PIK3R6: variants seen among roughly 807,000 people sequenced by gnomAD.
The protein encoded by PIK3R6 is phosphoinositide-3-kinase regulatory subunit 6.
A neutral mutation model predicts 84.9 loss-of-function variants in PIK3R6; 91 were observed. The ratio of observed to expected loss-of-function variants is 1.07; its 90% CI spans 0.90 to 1.28. The LOEUF (loss-of-function observed/expected upper bound fraction) is 1.28. Ranked by LOEUF, PIK3R6 falls within the 50% of genes most tolerant of loss-of-function variation. The pLI, the probability that PIK3R6 is intolerant of heterozygous loss-of-function variation, is 0.00. For synonymous variants in PIK3R6, 416 were observed against 411.4 expected, an observed-to-expected ratio of 1.01 and a Z score of -0.13; for missense variants, 996 against 985.1, an observed-to-expected ratio of 1.01 and a Z score of -0.15.
chr17:8,829,510 TCATGCATACA>T (rs2088127090), intron 10 of PIK3R6, among the ~76,000 whole-genome samples, 186 bp downstream of exon 10: 1 of 61,682 alleles, frequency 1.6e-5, no homozygotes, highest in Non-Finnish European at 3.1e-5. Context: ...TGACACACAC[TCATGCATACA>T]CACACACTGA....
chr17:8,865,052 G>A (rs1662067449), intron 1 of PIK3R6, among the ~76,000 whole-genome samples: 1 of 152,130 alleles, frequency 6.6e-6, no homozygotes, highest in Non-Finnish European at 1.5e-5. Context: ...ACGGCAAAAA[G>A]AAGCAAATGG....
Position 8,827,299 on chromosome 17 carries a change from G to C in PIK3R6, c.1393-5C>G, listed in dbSNP as rs2087953652. ...CTGCCTGGATGCTGCAGGCTTCTGGGGGAAAGGGGATGGGGCAGACCCGTC... is the reference window on the plus strand; with the variant it reads ...CTGCCTGGATGCTGCAGGCTTCTGGCGGAAAGGGGATGGGGCAGACCCGTC... On this transcript the variant is annotated splice_polypyrimidine_tract_variant and splice_region_variant and intron_variant, in intron 12 of 19. Transcript: ENST00000619866. The C allele has an allele frequency of 6.4e-7, 1 of 1,551,318 alleles. No individual in the cohort carries two copies. Among genetic ancestry groups the C allele is most frequent in the African/African-American group, 1.4e-5 (1 of 73,106 alleles).
chr17:8,860,984 C>G (rs993595127), intron 1 of PIK3R6, among the ~76,000 whole-genome samples: 1 of 152,092 alleles, frequency 6.6e-6, no homozygotes, highest in Non-Finnish European at 1.5e-5. Context: ...ATCACAAGGT[C>G]AGGAGTTCAA....
At chr17:8,821,628 G>C (rs2087735616) in intron 17 of PIK3R6, among the ~76,000 whole-genome samples, 1 of 152,110 alleles carries the variant, frequency 6.6e-6, no homozygotes, top group African/African-American at 2.4e-5. Flanking sequence ...CCACCTTCCA[G>C]CTATGTCTCA....
intron 2 of PIK3R6, among the ~76,000 whole-genome samples, chr17:8,843,525 A>G (rs2088741303): frequency 6.6e-6 from 1 of 152,144 alleles, no homozygotes; most frequent in African/African-American, 2.4e-5. Flanking sequence ...TAGCCCTGGG[A>G]GACCACTTCA....
At chr17:8,848,534 C>T (rs968325443) in intron 2 of PIK3R6, among the ~76,000 whole-genome samples, 1 of 151,594 alleles carries the variant, frequency 6.6e-6, no homozygotes, top group Non-Finnish European at 1.5e-5. Context: ...GTACTGTAGG[C>T]AGTTGTCACA....
intron 18 of PIK3R6, 28 bp from the exon 19 acceptor site, chr17:8,804,181 T>A: frequency 6.3e-7 from 1 of 1,585,478 alleles, no homozygotes; most frequent in Non-Finnish European, 8.7e-7. Flanking sequence ...CACGTGTGAG[T>A]GTTGCCTTTG....
chr17:8,833,047 T>A lies in PIK3R6; in HGVS notation c.646-2A>T. The A allele has an allele frequency of 6.3e-7, 1 of 1,580,708 alleles. No individual in the cohort carries two copies. ...CTCCAGGGTGCGGCGAGGGCTGGCC[T>A]GTTGGGGAGGGGCGTCAGAGCCTGG... On this transcript the variant is annotated splice_acceptor_variant, in intron 8 of 19. Transcript: ENST00000619866. LOFTEE classifies it high-confidence loss of function.
rs755572554 is a variant in PIK3R6, at chr17:8,839,655, C to T, written c.56G>A (p.Arg19Gln). The change falls in exon 3 of 20, where the codon CGG becomes CAG. Residue 19 changes from arginine to glutamine, a missense_variant. Physicochemically the swap from Arg to Gln is conservative, Grantham distance 43. Coordinates refer to ENST00000619866, the MANE Select transcript of PIK3R6 (RefSeq NM_001010855.4). This position sits in a 1 kb window ranked among gnomAD's most constrained non-coding sequence, Gnocchi z 4.2. ...DLQRSVQAVL[R>Q]ELSTQAPALQ... is the part of the protein sequence containing the mutation. Reference sequence around the variant, plus strand: ...GGCAGGGGCCTGGGTGCTGAGCTCCCGGAGCACAGCCTGCACGCTCCTCTG... The same window carrying T: ...GGCAGGGGCCTGGGTGCTGAGCTCCTGGAGCACAGCCTGCACGCTCCTCTG... 5.8e-5 allele frequency: 92 copies of T among 1,580,170 alleles called. No individual in the cohort carries two copies. The Middle Eastern group carries it at 8.3e-4, about 14-fold the overall frequency.
chr17:8,836,711 G>A (rs141009825), intron 6 of PIK3R6, 80 bp downstream of exon 6: 113 of 1,610,340 alleles, frequency 7.0e-5, no homozygotes, highest in African/African-American at 3.7e-4. Context: ...TGAGCTCCCC[G>A]GTATCCTGGA....
chr17:8,822,719 C>T, intron 15 of PIK3R6, 62 bp from the exon 16 acceptor site: 1 of 1,526,548 alleles, frequency 6.6e-7, no homozygotes, highest in East Asian at 2.3e-5. Context: ...CTAACTTCCC[C>T]ACCTCTCTGA....
In PIK3R6 at chr17:8,861,267, G is replaced by C. The variant is rs141550334; in HGVS notation, c.-92+6262C>G. Among the ~76,000 whole-genome samples, 285 of 152,062 alleles carry C rather than the reference G, an allele frequency of 1.9e-3. 3 individuals are homozygous for C. Among genetic ancestry groups the C allele is most frequent in the African/African-American group, 6.6e-3 (275 of 41,480 alleles). The stretch of plus-strand genomic sequence containing the variant: ...TGTGGTTCAAGTTGTGGTTCACAAA[G>C]AGAAAAGTTAATTGCAGAATGTCTG... On this transcript the variant is annotated intron_variant, in intron 1 of 19. Transcript: ENST00000619866.
chr17:8,825,406 A>G (rs903197586), intron 13 of PIK3R6, among the ~76,000 whole-genome samples: 1 of 152,250 alleles, frequency 6.6e-6, no homozygotes, highest in African/African-American at 2.4e-5. Flanking sequence ...AGGCTTCTAT[A>G]GCCAGATATT....
intron 18 of PIK3R6, among the ~76,000 whole-genome samples, chr17:8,808,560 A>G (rs1034190254): frequency 2.0e-5 from 3 of 152,212 alleles, no homozygotes; most frequent in African/African-American, 2.4e-5. Flanking sequence ...GCTCTTAACT[A>G]TTAGAAAGTA....
At chr17:8,834,984 C>T (rs999753466) in intron 8 of PIK3R6, among the ~76,000 whole-genome samples, 1 of 152,056 alleles carries the variant, frequency 6.6e-6, no homozygotes, top group Non-Finnish European at 1.5e-5. Flanking sequence ...ATTACAGGTG[C>T]CCGCCACCAC....
At chr17:8,815,604 C>T (rs1172860311) in intron 18 of PIK3R6, among the ~76,000 whole-genome samples, 1 of 151,964 alleles carries the variant, frequency 6.6e-6, no homozygotes, top group African/African-American at 2.4e-5. Flanking sequence ...CTTTGGCCGT[C>T]CTAGGAGCAT....
chr17:8,843,718 C>G (rs149523748), intron 2 of PIK3R6, among the ~76,000 whole-genome samples: 1 of 152,010 alleles, frequency 6.6e-6, no homozygotes, highest in Non-Finnish European at 1.5e-5. Flanking sequence ...TGGCATCTCT[C>G]GAAAATCTGA....
intron 18 of PIK3R6, among the ~76,000 whole-genome samples, chr17:8,812,466 A>C (rs1197582575): frequency 6.6e-6 from 1 of 152,262 alleles, no homozygotes. Context: ...TCTCATTTGC[A>C]CATGGAACAT....
chr17:8,865,806 C>A (rs1198599615), intron 1 of PIK3R6, among the ~76,000 whole-genome samples: 1 of 149,046 alleles, frequency 6.7e-6, no homozygotes, highest in African/African-American at 2.5e-5. Context: ...TGGACAAGGA[C>A]AGGCCTGTTT....
Sources: allele counts gnomAD v4.1 joint callset (sites outside exome capture counted in the v4.1 genomes callset), GRCh38; gene constraint gnomAD v4.1.1; non-coding constraint Gnocchi (gnomAD v3.1); transcripts MANE v1.5; gene names NCBI Gene and HGNC (gene_info 2026-07-23, HGNC 2026-07-21).